PTPRD: variants seen among roughly 807,000 people sequenced by gnomAD.
The protein encoded by PTPRD is receptor-type tyrosine-protein phosphatase delta.
PTPRD carries 34 observed loss-of-function variants against 214.5 expected under a neutral mutation model. The ratio of observed to expected loss-of-function variants is 0.16; its 90% CI spans 0.12 to 0.21. The LOEUF (loss-of-function observed/expected upper bound fraction) is 0.21, where lower values mean the gene tolerates loss of function less well. PTPRD is among the 10% of genes least tolerant of loss of function. The pLI, the probability that PTPRD is intolerant of heterozygous loss-of-function variation, is 1.00. For synonymous variants in PTPRD, 1,128 were observed against 845.7 expected, an observed-to-expected ratio of 1.33 and a Z score of -5.79; for missense variants, 2,545 against 2,398.7, an observed-to-expected ratio of 1.06 and a Z score of -1.27.
intron 3 of PTPRD, among the ~76,000 whole-genome samples, chr9:10,306,738 A>G (rs1174280709): frequency 6.6e-6 from 1 of 152,118 alleles, no homozygotes; most frequent in Non-Finnish European, 1.5e-5. Context: ...TGCTTCAAGT[A>G]TCAACAGCTC....
At chr9:10,267,258 A>G (rs2094134508) in intron 3 of PTPRD, among the ~76,000 whole-genome samples, 1 of 151,922 alleles carries the variant, frequency 6.6e-6, no homozygotes, top group South Asian at 2.1e-4. Flanking sequence ...TTACACCAAC[A>G]CTTTTGGAAG....
chr9:9,417,013 T>A (rs1287681042), intron 8 of PTPRD, among the ~76,000 whole-genome samples: 1 of 152,100 alleles, frequency 6.6e-6, no homozygotes, highest in Non-Finnish European at 1.5e-5. Flanking sequence ...GTAAGATCAG[T>A]GAACAAAATA....
At chr9:8,951,255 A>ACTT (rs2099100534) in intron 11 of PTPRD, among the ~76,000 whole-genome samples, 1 of 149,796 alleles carries the variant, frequency 6.7e-6, no homozygotes, top group African/African-American at 2.5e-5. Context: ...GGTATACTAC[A>ACTT]CTTCTCTATT....
chr9:8,794,688 G>A (rs1447239237), intron 11 of PTPRD, among the ~76,000 whole-genome samples: 2 of 151,948 alleles, frequency 1.3e-5, no homozygotes, highest in Non-Finnish European at 2.9e-5. Flanking sequence ...CCTAAAATGA[G>A]AAATAAATTA....
intron 7 of PTPRD, among the ~76,000 whole-genome samples, chr9:9,654,802 T>C (rs1308977792): frequency 6.6e-6 from 1 of 152,150 alleles, no homozygotes; most frequent in Non-Finnish European, 1.5e-5. Flanking sequence ...TTATTAAGTG[T>C]ATAACAAATG....
At chr9:8,351,725 G>C (rs2075506425) in intron 39 of PTPRD, among the ~76,000 whole-genome samples, 1 of 124,898 alleles carries the variant, frequency 8.0e-6, no homozygotes, top group Non-Finnish European at 1.6e-5. Flanking sequence ...GTAGAGAGGA[G>C]ACTGCTTGGC....
chr9:9,636,794 A>T (rs2095785921), intron 7 of PTPRD, among the ~76,000 whole-genome samples: 1 of 152,224 alleles, frequency 6.6e-6, no homozygotes, highest in Admixed American at 6.5e-5. Flanking sequence ...TCCTGCTATA[A>T]CAGAATATCA....
At chr9:9,101,130 G>A (rs992489644) in intron 10 of PTPRD, among the ~76,000 whole-genome samples, 1 of 151,564 alleles carries the variant, frequency 6.6e-6, no homozygotes, top group Non-Finnish European at 1.5e-5. Flanking sequence ...GAGAGCAGGA[G>A]ACCAGAAGCT....
chr9:9,213,128 T>C (rs987226598), intron 9 of PTPRD, among the ~76,000 whole-genome samples: 2 of 152,200 alleles, frequency 1.3e-5, no homozygotes, highest in Non-Finnish European at 2.9e-5. Context: ...TTCTAACTCG[T>C]AGCTTCTCAA....
chr9:9,402,986 AAAACAC>A (rs1237235500), intron 8 of PTPRD, among the ~76,000 whole-genome samples: 4 of 147,088 alleles, frequency 2.7e-5, no homozygotes, highest in African/African-American at 5.0e-5. Flanking sequence ...AAAAAAAAAA[AAAACAC>A]CAAAAAAAAA....
intron 2 of PTPRD, among the ~76,000 whole-genome samples, chr9:10,516,162 A>G (rs544370857): frequency 1.3e-4 from 20 of 151,990 alleles, no homozygotes; most frequent in African/African-American, 4.8e-4. Flanking sequence ...AATATTTTCC[A>G]CAGTTGTTTC....
chr9:8,485,663 A>T, intron 28 of PTPRD, 99 bp downstream of exon 28: 1 of 1,066,012 alleles, frequency 9.4e-7, no homozygotes, highest in Non-Finnish European at 1.3e-6. Context: ...TGAACCTATT[A>T]ATATGAATGG....
At chr9:9,627,853 TG>T (rs1759217529) in intron 7 of PTPRD, among the ~76,000 whole-genome samples, 1 of 152,196 alleles carries the variant, frequency 6.6e-6, no homozygotes, top group African/African-American at 2.4e-5. Flanking sequence ...TGCTAGGTGC[TG>T]AGAAACAGCA....
intron 10 of PTPRD, among the ~76,000 whole-genome samples, chr9:9,023,578 G>A (rs1423812554): frequency 6.6e-6 from 1 of 151,878 alleles, no homozygotes; most frequent in Non-Finnish European, 1.5e-5. Flanking sequence ...GGGTCCATGT[G>A]CAGGTTTGTT....
At chr9:9,306,614 A>G (rs964720694) in intron 9 of PTPRD, among the ~76,000 whole-genome samples, 7 of 151,870 alleles carry the variant, frequency 4.6e-5, no homozygotes, top group African/African-American at 1.7e-4. Flanking sequence ...AAAATCATCA[A>G]TAATATCCTC....
chr9:10,031,645 T>TACAC lies in PTPRD; in HGVS notation c.-472+2072_-472+2073insGTGT, dbSNP rs1466329705. ...AACTCCATATATATATATATATATA[T>TACAC]ATACACACACACACACACACATACA... On this transcript the variant is annotated intron_variant, in intron 4 of 45. Transcript: ENST00000381196. Among the ~76,000 whole-genome samples the TACAC allele has an allele frequency of 1.0e-4, 7 of 69,052 alleles. 1 individual carries two copies. Among genetic ancestry groups the TACAC allele is most frequent in the African/African-American group, 8.5e-4 (6 of 7,038 alleles). 45.3% of individuals were successfully genotyped at this position (69,052 alleles called of 152,430 possible). A position where few individuals can be genotyped will look rare whatever the true frequency, so the allele number is the denominator to read the frequency against.
chr9:8,949,766 T>C (rs1347577586), intron 11 of PTPRD, among the ~76,000 whole-genome samples: 1 of 152,142 alleles, frequency 6.6e-6, no homozygotes, highest in African/African-American at 2.4e-5. Flanking sequence ...AATTGAAACA[T>C]TGTGGGATTG....
intron 3 of PTPRD, among the ~76,000 whole-genome samples, chr9:10,164,660 A>T (rs1016011618): frequency 8.6e-5 from 13 of 151,620 alleles, no homozygotes; most frequent in Non-Finnish European, 1.9e-4. Flanking sequence ...GCAGTTCATA[A>T]GTAAAATATC....
At chr9:10,210,597 G>C (rs72614094) in intron 3 of PTPRD, among the ~76,000 whole-genome samples, 9,788 of 150,666 alleles carry the variant, frequency 0.065, 807 homozygotes, top group East Asian at 0.35. Context: ...CATGATATGA[G>C]GATATTTAGA....
Sources: allele counts gnomAD v4.1 joint callset (sites outside exome capture counted in the v4.1 genomes callset), GRCh38; gene constraint gnomAD v4.1.1; transcripts MANE v1.5; gene names NCBI Gene and HGNC (gene_info 2026-07-23, HGNC 2026-07-21).